Variants in PTPRT observed in about 807,000 individuals in gnomAD.
PTPRT encodes the protein receptor-type tyrosine-protein phosphatase T.
Under a neutral mutation model 176.8 loss-of-function variants are expected in PTPRT, and 56 were observed. That is an observed-to-expected ratio of 0.32 (90% CI 0.26 to 0.40). The LOEUF (loss-of-function observed/expected upper bound fraction) is 0.40. Ranked by LOEUF, PTPRT falls within the 10% of genes least tolerant of loss-of-function variation. The pLI, the probability that PTPRT is intolerant of heterozygous loss-of-function variation, is 1.00. For missense variants in PTPRT, 1,540 were observed against 1,908.2 expected (o/e 0.81, Z 3.60); for synonymous variants, 783 against 739.0 (o/e 1.06, Z -0.96).
intron 7 of PTPRT, among the ~76,000 whole-genome samples, chr20:42,677,224 A>T (rs1181896700): frequency 6.6e-6 from 1 of 152,206 alleles, no homozygotes; most frequent in Admixed American, 6.5e-5. Flanking sequence ...TTCTAGAACC[A>T]GGAGCCATCA....
intron 9 of PTPRT, among the ~76,000 whole-genome samples, chr20:42,446,366 A>G (rs1210548290): frequency 6.6e-6 from 1 of 152,142 alleles, no homozygotes; most frequent in East Asian, 1.9e-4. Flanking sequence ...CTTTTATAAA[A>G]CGATGTAAAT....
chr20:43,107,581 A>T (rs148726467), intron 1 of PTPRT, among the ~76,000 whole-genome samples: 1 of 152,340 alleles, frequency 6.6e-6, no homozygotes, highest in African/African-American at 2.4e-5. Context: ...TTAATGTCTC[A>T]ATAGGCAGAT....
At chr20:42,593,302 T>C (rs2073612254) in intron 7 of PTPRT, among the ~76,000 whole-genome samples, 1 of 152,160 alleles carries the variant, frequency 6.6e-6, no homozygotes, top group Admixed American at 6.5e-5. Context: ...CTTGAAACTC[T>C]ACTCTGAAAT....
intron 7 of PTPRT, among the ~76,000 whole-genome samples, chr20:42,582,745 ATCT>A (rs1320915163): frequency 1.3e-5 from 2 of 152,158 alleles, no homozygotes; most frequent in Non-Finnish European, 2.9e-5. Flanking sequence ...ATTAACTCTG[ATCT>A]TCTCAGAGCT....
At chr20:42,633,819 A>AT (rs1162225733) in intron 7 of PTPRT, among the ~76,000 whole-genome samples, 19 of 85,538 alleles carry the variant, frequency 2.2e-4, no homozygotes, top group African/African-American at 1.1e-3. Context: ...ATATATATAT[A>AT]ATAAAATATT....
At chr20:42,559,285 G>C (rs4812608) in intron 7 of PTPRT, among the ~76,000 whole-genome samples, 87,196 of 151,802 alleles carry the variant, frequency 0.57, 25,904 homozygotes, top group African/African-American at 0.73. Flanking sequence ...CCTGGAATTT[G>C]TCTTCATCGT....
chr20:42,972,702 A>AAG (rs1982725750), intron 1 of PTPRT, among the ~76,000 whole-genome samples: 1 of 148,250 alleles, frequency 6.7e-6, no homozygotes, highest in African/African-American at 2.5e-5. Context: ...AAAAAAAGGA[A>AAG]GAAGAAGAAT....
At chr20:42,811,160 G>T (rs2077691813) in intron 2 of PTPRT, among the ~76,000 whole-genome samples, 2 of 151,990 alleles carry the variant, frequency 1.3e-5, no homozygotes, top group South Asian at 2.1e-4. Context: ...TCATTTTGAG[G>T]AATTCAAGAA....
intron 6 of PTPRT, among the ~76,000 whole-genome samples, chr20:42,716,935 G>T (rs1056191903): frequency 6.7e-6 from 1 of 149,420 alleles, no homozygotes; most frequent in Non-Finnish European, 1.5e-5. Flanking sequence ...CTATCATAAG[G>T]ACAAAAAACC....
chr20:42,130,109 G>A (rs1050883763), intron 18 of PTPRT, among the ~76,000 whole-genome samples: 2 of 152,130 alleles, frequency 1.3e-5, no homozygotes, highest in South Asian at 2.1e-4. Context: ...CTCTGAGTTC[G>A]GTCGCTCCTG....
At position 42,402,616 on chromosome 20, in the gene PTPRT, G is replaced by C. The variant is rs1259099175; in HGVS notation, c.1560+45604C>G. 5.3e-5 allele frequency among the ~76,000 whole-genome samples: 8 copies of C among 151,966 alleles called. No homozygotes were observed. The East Asian group carries it at 1.5e-3, about 29-fold the overall frequency. ...TAATATGCGGCATTTACAAGACAGA[G>C]AGGGAGGCGGTGGTGTGGGCACACA... is the stretch of plus-strand genomic sequence containing the variant. On this transcript the variant is annotated intron_variant, in intron 9 of 30. Transcript: ENST00000373187.
At chr20:42,545,477 T>G (rs1028449585) in intron 7 of PTPRT, among the ~76,000 whole-genome samples, 2 of 152,070 alleles carry the variant, frequency 1.3e-5, no homozygotes, top group African/African-American at 4.8e-5. Context: ...GGCGAGATTC[T>G]TTTTTTCCCA....
At chr20:43,005,182 T>A (rs1189248510) in intron 1 of PTPRT, among the ~76,000 whole-genome samples, 2 of 152,120 alleles carry the variant, frequency 1.3e-5, no homozygotes, top group East Asian at 3.8e-4. Context: ...ATCCCAGCTC[T>A]TCCTCCATTG....
intron 7 of PTPRT, among the ~76,000 whole-genome samples, chr20:42,522,363 A>G (rs899598461): frequency 2.6e-5 from 4 of 151,752 alleles, no homozygotes; most frequent in Admixed American, 6.6e-5. Context: ...TGTGTCTCAT[A>G]TCATTTTCTT....
chr20:42,143,931 C>A (rs1460914652), intron 17 of PTPRT, among the ~76,000 whole-genome samples: 1 of 152,218 alleles, frequency 6.6e-6, no homozygotes, highest in African/African-American at 2.4e-5. Context: ...AGTTACTGAT[C>A]AATTCGCATC....
At chr20:42,934,008 T>C (rs1308260321) in intron 1 of PTPRT, among the ~76,000 whole-genome samples, 1 of 152,264 alleles carries the variant, frequency 6.6e-6, no homozygotes, top group Non-Finnish European at 1.5e-5. Flanking sequence ...GAACTCATTT[T>C]TCCCCAGTGC....
chr20:42,333,116 C>T lies in PTPRT; in HGVS notation c.1866-17120G>A, dbSNP rs558881967. 2.4e-3 allele frequency among the ~76,000 whole-genome samples: 367 copies of T among 151,914 alleles called. 1 individual carries two copies. The highest frequency in any genetic ancestry group is 8.4e-3 in the African/African-American group (349 of 41,454). On this transcript the variant is annotated intron_variant, in intron 11 of 30. Transcript: ENST00000373187. ...TTAAATGGCTATTAAAATATTCCTC[C>T]TTTTTTTTCCCAATTATGTATCTAT... is the stretch of plus-strand genomic sequence containing the variant.
intron 1 of PTPRT, among the ~76,000 whole-genome samples, chr20:43,146,671 A>G (rs2014180195): frequency 6.6e-6 from 1 of 152,110 alleles, no homozygotes; most frequent in African/African-American, 2.4e-5. Context: ...GCATGCCACT[A>G]GGGAAGCTGA....
intron 7 of PTPRT, among the ~76,000 whole-genome samples, chr20:42,598,669 G>A (rs13040940): frequency 0.13 from 19,038 of 150,720 alleles, 1,344 homozygotes; most frequent in Non-Finnish European, 0.16. Flanking sequence ...TTTTTTTTAA[G>A]TGTAGAAAAG....
Sources: gnomAD v4.1 joint callset for allele counts (sites outside exome capture counted in the v4.1 genomes callset) on GRCh38, gnomAD v4.1.1 for gene constraint, MANE v1.5 for transcripts, NCBI Gene and HGNC (gene_info 2026-07-23, HGNC 2026-07-21) for gene names.